TPTE2: variants seen among roughly 807,000 people sequenced by gnomAD.
The protein encoded by TPTE2 is phosphatidylinositol 3,4,5-trisphosphate 3-phosphatase TPTE2.
A neutral mutation model predicts 78.6 loss-of-function variants in TPTE2; 53 were observed. That is an observed-to-expected ratio of 0.67 (90% CI 0.54 to 0.85). The LOEUF is 0.85. Among genes scored for constraint, TPTE2 ranks in the 40% least tolerant of loss-of-function variants. TPTE2 has a pLI of 0.00. For synonymous variants in TPTE2, 175 were observed against 206.2 expected, an observed-to-expected ratio of 0.85 and a Z score of 1.30; for missense variants, 461 against 623.0, an observed-to-expected ratio of 0.74 and a Z score of 2.77.
intron 1 of TPTE2, among the ~76,000 whole-genome samples, chr13:19,526,676 T>C (rs1000388654): frequency 2.0e-5 from 3 of 152,112 alleles, no homozygotes; most frequent in African/African-American, 7.2e-5. Flanking sequence ...ACACAAAATT[T>C]ACATATATAA....
At chr13:19,526,744 A>T (rs1250016613) in intron 1 of TPTE2, among the ~76,000 whole-genome samples, 1 of 84,932 alleles carries the variant, frequency 1.2e-5, no homozygotes, top group Non-Finnish European at 3.0e-5. Flanking sequence ...ATTAAATAAA[A>T]TGTGCATACA....
At chr13:19,464,595 T>C in intron 9 of TPTE2, 75 bp from the exon 13 acceptor site, 1 of 1,488,670 alleles carries the variant, frequency 6.7e-7, no homozygotes, top group Non-Finnish European at 9.1e-7. Flanking sequence ...AATTTATACA[T>C]GATCAGACTC....
At chr13:19,440,131 T>C (rs1458332334) in intron 13 of TPTE2, among the ~76,000 whole-genome samples, 2 of 152,058 alleles carry the variant, frequency 1.3e-5, no homozygotes, top group African/African-American at 4.8e-5. Context: ...AAAATGAGCA[T>C]TACCAAGGCA....
At chr13:19,473,450 C>G (rs1026263905) in intron 6 of TPTE2, among the ~76,000 whole-genome samples, 17 of 152,156 alleles carry the variant, frequency 1.1e-4, no homozygotes, top group African/African-American at 4.1e-4. Context: ...CTTTCCACCC[C>G]TGTCCAAAGG....
chr13:19,543,946 C>T, the TPTE2 span, among the ~76,000 whole-genome samples: 1 of 147,070 alleles, frequency 6.8e-6, no homozygotes, highest in African/African-American at 2.5e-5. Flanking sequence ...CCCGTAGTCC[C>T]GGCTACTTGA....
intron 1 of TPTE2, among the ~76,000 whole-genome samples, chr13:19,515,513 T>C (rs1482612193): frequency 1.3e-5 from 2 of 152,194 alleles, no homozygotes; most frequent in African/African-American, 2.4e-5. Context: ...AGAGTTCAAA[T>C]GACCAAATCT....
upstream of TPTE2, among the ~76,000 whole-genome samples, chr13:19,538,685 T>G (rs925718965): frequency 2.6e-5 from 4 of 151,876 alleles, no homozygotes. Flanking sequence ...CTGGCAAATT[T>G]TTTGTATTTT....
intron 13 of TPTE2, among the ~76,000 whole-genome samples, chr13:19,444,257 T>G (rs1240926178): frequency 8.2e-6 from 1 of 121,580 alleles, no homozygotes; most frequent in African/African-American, 3.2e-5. Flanking sequence ...TAGTGAGCCA[T>G]GATCATGCCA....
chr13:19,534,225 C>A (rs1020552862), intron 1 of TPTE2, among the ~76,000 whole-genome samples: 5 of 152,136 alleles, frequency 3.3e-5, no homozygotes, highest in Admixed American at 3.3e-4. Context: ...ATGTAATTTA[C>A]GGGAACAACA....
chr13:19,451,293 C>G, intron 10 of TPTE2, 68 bp from the exon 14 acceptor site: 1 of 1,595,346 alleles, frequency 6.3e-7, no homozygotes, highest in South Asian at 1.1e-5. Context: ...CTAGGGGGAA[C>G]CTAAAATGGT....
rs572451029 is a variant in TPTE2 at position 19,424,367 on chromosome 13, A to G, written c.1466+580T>C. 2.6e-5 allele frequency among the ~76,000 whole-genome samples: 4 copies of G among 152,312 alleles called. No homozygotes were observed. The South Asian group carries it at 8.3e-4, about 32-fold the overall frequency. Reference sequence around the variant, plus strand: ...TTTGGAACAATAATCTCCAAACCCAATTAGTAATTTTTCAGAAAGTTTTCC... The same window carrying G: ...TTTGGAACAATAATCTCCAAACCCAGTTAGTAATTTTTCAGAAAGTTTTCC... On this transcript the variant is annotated intron_variant, in intron 19 of 19. Transcript: ENST00000400230.
At chr13:19,450,508 C>T (rs557161485) in intron 11 of TPTE2, among the ~76,000 whole-genome samples, 164 bp from the exon 15 acceptor site, 20 of 152,126 alleles carry the variant, frequency 1.3e-4, no homozygotes, top group Non-Finnish European at 2.8e-4. Context: ...ATTTCAAAAA[C>T]GTAAGGATGG....
chr13:19,522,469 G>A (rs190405463), intron 1 of TPTE2, among the ~76,000 whole-genome samples: 27 of 152,298 alleles, frequency 1.8e-4, no homozygotes, highest in Admixed American at 1.6e-3. Context: ...TACAGCTACA[G>A]TGCATGATAA....
chr13:19,439,589 C>A (rs1593354619), intron 13 of TPTE2, among the ~76,000 whole-genome samples: 1 of 152,186 alleles, frequency 6.6e-6, no homozygotes, highest in Non-Finnish European at 1.5e-5. Flanking sequence ...AAGGATCACA[C>A]TAGCTCTCTG....
At chr13:19,444,063 C>T (rs1412061778) in intron 13 of TPTE2, among the ~76,000 whole-genome samples, 4 of 151,332 alleles carry the variant, frequency 2.6e-5, no homozygotes, top group East Asian at 1.9e-4. Flanking sequence ...CTTTGGGAGG[C>T]GGAGGCTGAG....
chr13:19,544,060 C>CAAAAAAAAAA, the TPTE2 span, among the ~76,000 whole-genome samples: 56 of 31,976 alleles, frequency 1.8e-3, no homozygotes, highest in Admixed American at 3.3e-3. Flanking sequence ...GAACCTGTCT[C>CAAAAAAAAAA]AAAAAAAAAA....
chr13:19,547,720 C>CATACATATATATATATAT, the TPTE2 span, among the ~76,000 whole-genome samples: 3,316 of 118,754 alleles, frequency 0.028, 121 homozygotes, highest in East Asian at 0.097. Context: ...AATAAATATA[C>CATACATATATATATATAT]ATATATATAT....
At chr13:19,428,779 A>C (rs1487244043) in intron 17 of TPTE2, among the ~76,000 whole-genome samples, 1 of 152,132 alleles carries the variant, frequency 6.6e-6, no homozygotes, top group Non-Finnish European at 1.5e-5. Context: ...AACTAACTAA[A>C]TTAGAGTTGT....
At chr13:19,541,152 TC>T (rs1370475750), upstream of TPTE2, among the ~76,000 whole-genome samples, 17 of 152,346 alleles carry the variant, frequency 1.1e-4, no homozygotes, top group African/African-American at 3.8e-4. Context: ...TTCCATCAGC[TC>T]CTAGTGGTCC....
Sources: allele counts gnomAD v4.1 joint callset (sites outside exome capture counted in the v4.1 genomes callset), GRCh38; gene constraint gnomAD v4.1.1; transcripts MANE v1.5; gene names NCBI Gene and HGNC (gene_info 2026-07-23, HGNC 2026-07-21).